GATA4: variants seen among roughly 807,000 people sequenced by gnomAD.
GATA4 encodes GATA binding protein 4.
GATA4 carries 7 observed loss-of-function variants against 37.9 expected under a neutral mutation model. The ratio of observed to expected loss-of-function variants is 0.18; its 90% CI spans 0.11 to 0.35. The LOEUF is 0.35. GATA4 is among the 10% of genes least tolerant of loss of function. GATA4 has a pLI of 1.00. For synonymous variants in GATA4, 372 were observed against 292.6 expected, an observed-to-expected ratio of 1.27 and a Z score of -2.77; for missense variants, 647 against 653.0, an observed-to-expected ratio of 0.99 and a Z score of 0.10.
intron 2 of GATA4, among the ~76,000 whole-genome samples, chr8:11,748,141 G>T (rs895817818): frequency 2.0e-5 from 3 of 152,148 alleles, no homozygotes; most frequent in Non-Finnish European, 4.4e-5. Context: ...TCGCGTGAAC[G>T]TGGGAGGCAG....
rs2130311290 is a variant in GATA4, at chr8:11,749,839, C to T, written c.787-272C>T. Among the ~76,000 whole-genome samples, 1 of 152,338 alleles carries T rather than the reference C, an allele frequency of 6.6e-6. No individual in the cohort carries two copies. Among genetic ancestry groups the T allele is most frequent in the South Asian group, 2.1e-4 (1 of 4,828 alleles). ...TGCCCGGCGCTCACTGGTTATTCGCCTGACGGTGAATGATGGTTAGGACTG... is the reference window on the plus strand; with the variant it reads ...TGCCCGGCGCTCACTGGTTATTCGCTTGACGGTGAATGATGGTTAGGACTG... On this transcript the variant is annotated intron_variant, in intron 3 of 6. Coordinates refer to ENST00000532059, the MANE Select transcript of GATA4 (RefSeq NM_001308093.3). The surrounding 1 kb of genome is among the most constrained non-coding windows in gnomAD (Gnocchi z 4.6).
At chr8:11,745,443 A>G (rs1423750588) in intron 2 of GATA4, among the ~76,000 whole-genome samples, 2 of 146,718 alleles carry the variant, frequency 1.4e-5, no homozygotes, top group Non-Finnish European at 3.0e-5. Flanking sequence ...AAAATTAGCA[A>G]GGCATGGCAG....
At chr8:11,742,671 GA>G (rs1801806670) in intron 2 of GATA4, among the ~76,000 whole-genome samples, 1 of 152,228 alleles carries the variant, frequency 6.6e-6, no homozygotes. Context: ...GCCTCCCCGT[GA>G]CAGCCTCCTG....
rs188353492 is a variant in GATA4 at position 11,750,085 on chromosome 8, T to C, written c.787-26T>C. 284 of 1,613,974 alleles carry C rather than the reference T, an allele frequency of 1.8e-4. No individual in the cohort carries two copies. The African/African-American group carries it at 3.4e-3, about 19-fold the overall frequency. Reference sequence around the variant, plus strand: ...GCAGTGCACACCTTTTACTTGGACATGAAGCATTTGTTTCCTGTCTTGCAG... The same window carrying C: ...GCAGTGCACACCTTTTACTTGGACACGAAGCATTTGTTTCCTGTCTTGCAG... On this transcript the variant is annotated intron_variant, in intron 3 of 6. Coordinates refer to ENST00000532059, the MANE Select transcript of GATA4 (RefSeq NM_001308093.3).
rs150998418 is a variant in GATA4, at chr8:11,694,840, CCTCT to C, written c.-729+2191_-729+2194del. 6.0e-5 allele frequency among the ~76,000 whole-genome samples: 9 copies of C among 151,118 alleles called. No homozygotes were observed. The South Asian group carries it at 8.3e-4, about 14-fold the overall frequency. On this transcript the variant is annotated intron_variant, in intron 1 of 2. Transcript: ENST00000526974. ...GGGAAGAGGTAGAAACAATCTCTCT[CCTCT>C]CTCTCTCTCTGTCTCTCTCTCACTC...
chr8:11,681,583 C>A, intron 1 of GATA4: 1 of 485,130 alleles, frequency 2.1e-6, no homozygotes, highest in Non-Finnish European at 2.7e-6. Flanking sequence ...CTCCTCCACC[C>A]CACTCGCTGT....
At chr8:11,716,703 C>A (rs1800447782) in intron 2 of GATA4, among the ~76,000 whole-genome samples, 1 of 152,180 alleles carries the variant, frequency 6.6e-6, no homozygotes, top group Admixed American at 6.5e-5. Flanking sequence ...AGGCAGTTTT[C>A]CCTCAGGTTA....
chr8:11,751,161 A>G (rs1802284493), intron 4 of GATA4, among the ~76,000 whole-genome samples: 2 of 152,214 alleles, frequency 1.3e-5, no homozygotes, highest in African/African-American at 2.4e-5. Flanking sequence ...ACCTAGGGAA[A>G]GTAAAGACCA....
At chr8:11,711,064 C>T (rs561039086) in intron 2 of GATA4, among the ~76,000 whole-genome samples, 44 of 152,224 alleles carry the variant, frequency 2.9e-4, no homozygotes, top group African/African-American at 1.0e-3. Flanking sequence ...GAGATTGCTC[C>T]ACTGCACTCC....
At chr8:11,736,387 G>C (rs1025279716) in intron 2 of GATA4, among the ~76,000 whole-genome samples, 3 of 152,226 alleles carry the variant, frequency 2.0e-5, no homozygotes, top group African/African-American at 7.2e-5. Flanking sequence ...GACCAAGAGA[G>C]GTGAAATGAC....
Position 11,708,007 on chromosome 8 carries a change from C to T in GATA4, c.-306C>T, listed in dbSNP as rs114658939. On this transcript the variant is annotated 5_prime_UTR_variant, in exon 2 of 7. Transcript: ENST00000532059. The surrounding 1 kb of genome is among the most constrained non-coding windows in gnomAD (Gnocchi z 6.7). The stretch of plus-strand genomic sequence containing the variant: ...TGGACGCTGCCCTCCGTCTTCTGCC[C>T]CCAATAGGTGCGCCGGACCTTCAGG... The T allele has an allele frequency of 1.7e-3, 740 of 423,834 alleles. 6 individuals carry two copies. Among genetic ancestry groups the T allele is most frequent in the African/African-American group, 0.013 (654 of 48,886 alleles). The allele number at this position is 423,834 out of a possible 1,614,324, so 26.3% of individuals were successfully genotyped here. A position where few individuals can be genotyped will look rare whatever the true frequency, so the allele number is the denominator to read the frequency against.
chr8:11,701,047 T>A (rs1272062766), upstream of GATA4, among the ~76,000 whole-genome samples: 1 of 152,194 alleles, frequency 6.6e-6, no homozygotes, highest in East Asian at 1.9e-4. Flanking sequence ...TAGATTGCTC[T>A]GTACACAATA....
At position 11,758,686 on chromosome 8, in the gene GATA4, A is replaced by G. The variant is rs1802733369; in HGVS notation, c.*211A>G. On this transcript the variant is annotated 3_prime_UTR_variant, in exon 7 of 7. Transcript: ENST00000532059. ...TTTACACGCTGATGGGACTGGAGGG[A>G]GCCCACCCTTCAGCACGAGCACACT... 2 of 612,868 alleles carry G rather than the reference A, an allele frequency of 3.3e-6. No individual in the cohort carries two copies. The highest frequency in any genetic ancestry group is 2.8e-5 in the East Asian group (1 of 35,266). 38.0% of individuals were successfully genotyped at this position (612,868 alleles called of 1,614,324 possible).
chr8:11,680,618 G>A, intron 1 of GATA4: 4 of 985,328 alleles, frequency 4.1e-6, no homozygotes, highest in Non-Finnish European at 4.8e-6. Context: ...TCGGTGGCGT[G>A]ACCTCTTGCC....
At chr8:11,687,099 G>A (rs1166993104) in intron 1 of GATA4, among the ~76,000 whole-genome samples, 1 of 152,160 alleles carries the variant, frequency 6.6e-6, no homozygotes, top group Non-Finnish European at 1.5e-5. Context: ...TTCTTGATGT[G>A]CAGAGGATGC....
chr8:11,747,538 A>G (rs1056858269), intron 2 of GATA4, among the ~76,000 whole-genome samples: 2 of 152,220 alleles, frequency 1.3e-5, no homozygotes, highest in Non-Finnish European at 2.9e-5. Flanking sequence ...CAACTATGAT[A>G]TGGCAGCCCA....
intron 2 of GATA4, among the ~76,000 whole-genome samples, chr8:11,743,626 C>T (rs1055919650): frequency 4.6e-5 from 7 of 152,256 alleles, no homozygotes; most frequent in African/African-American, 1.7e-4. Context: ...TTCCCTCTCC[C>T]CGCCCTGACT....
chr8:11,735,083 C>A (rs1801391930), intron 2 of GATA4, among the ~76,000 whole-genome samples: 1 of 152,220 alleles, frequency 6.6e-6, no homozygotes, highest in African/African-American at 2.4e-5. Flanking sequence ...GTGGGTTACA[C>A]AGAGGCATCT....
At chr8:11,695,387 C>T (rs1799474790) in intron 1 of GATA4, among the ~76,000 whole-genome samples, 1 of 151,782 alleles carries the variant, frequency 6.6e-6, no homozygotes, top group African/African-American at 2.4e-5. Flanking sequence ...GCCTGGGCAC[C>T]AAGAGTGAAA....
Sources: gnomAD v4.1 joint callset for allele counts (sites outside exome capture counted in the v4.1 genomes callset) on GRCh38, gnomAD v4.1.1 for gene constraint, Gnocchi (gnomAD v3.1) non-coding constraint, MANE v1.5 for transcripts, NCBI Gene and HGNC (gene_info 2026-07-23, HGNC 2026-07-21) for gene names.